Variants in PALLD observed in about 807,000 individuals in gnomAD.
PALLD encodes the protein palladin.
A neutral mutation model predicts 123.5 loss-of-function variants in PALLD; 61 were observed. The observed-to-expected ratio is 0.49, with a 90% CI of 0.40 to 0.61. PALLD has a LOEUF of 0.61. PALLD is among the 20% of genes least tolerant of loss of function. PALLD has a pLI of 0.00. For missense variants in PALLD, 1,273 were observed against 1,377.0 expected, an observed-to-expected ratio of 0.92 and a Z score of 1.20; for synonymous variants, 465 against 496.4, an observed-to-expected ratio of 0.94 and a Z score of 0.84.
intron 10 of PALLD, among the ~76,000 whole-genome samples, chr4:168,743,278 T>C (rs2150355446): frequency 6.6e-6 from 1 of 152,364 alleles, no homozygotes. Flanking sequence ...GACATCCATC[T>C]GGATGCTTGA....
chr4:168,541,275 T>C (rs1765585058), intron 2 of PALLD, among the ~76,000 whole-genome samples: 1 of 152,174 alleles, frequency 6.6e-6, no homozygotes, highest in Non-Finnish European at 1.5e-5. Context: ...TTATTTTTGC[T>C]TTTTTCTCAT....
At chr4:168,786,138 G>A (rs1736722767) in intron 10 of PALLD, among the ~76,000 whole-genome samples, 1 of 151,760 alleles carries the variant, frequency 6.6e-6, no homozygotes, top group Admixed American at 6.6e-5. Context: ...GACCAGCCTG[G>A]CCAACATGGT....
At chr4:168,563,773 T>C (rs953268120) in intron 2 of PALLD, among the ~76,000 whole-genome samples, 13 of 152,216 alleles carry the variant, frequency 8.5e-5, no homozygotes, top group African/African-American at 2.7e-4. Flanking sequence ...TAAATCTCTT[T>C]CTCAAGGCAT....
chr4:168,785,299 C>A (rs1393507824), intron 10 of PALLD, among the ~76,000 whole-genome samples: 1 of 151,930 alleles, frequency 6.6e-6, no homozygotes, highest in East Asian at 1.9e-4. Context: ...GCTGTTTGTT[C>A]GACATCCGAA....
chr4:168,761,893 A>C (rs1314358839), intron 10 of PALLD, among the ~76,000 whole-genome samples: 1 of 151,692 alleles, frequency 6.6e-6, no homozygotes, highest in African/African-American at 2.4e-5. Flanking sequence ...AATTTCAGTC[A>C]TTCTTTCCTA....
At chr4:168,697,838 G>A (rs551354821) in intron 8 of PALLD, among the ~76,000 whole-genome samples, 2 of 152,148 alleles carry the variant, frequency 1.3e-5, no homozygotes, top group Admixed American at 6.6e-5. Context: ...TGGGTAAAAA[G>A]CAGAAAATAC....
intron 10 of PALLD, among the ~76,000 whole-genome samples, chr4:168,883,736 C>G (rs1369362183): frequency 1.3e-5 from 2 of 152,262 alleles, no homozygotes; most frequent in East Asian, 3.9e-4. Context: ...TGACAAATGA[C>G]TTACTGTTAA....
intron 10 of PALLD, among the ~76,000 whole-genome samples, chr4:168,762,660 C>A: frequency 6.6e-6 from 1 of 152,232 alleles, no homozygotes; most frequent in Non-Finnish European, 1.5e-5. Flanking sequence ...TTTGACCCAG[C>A]GATCCCATTA....
chr4:168,656,888 T>C (rs1182080567), intron 2 of PALLD, among the ~76,000 whole-genome samples: 1 of 152,140 alleles, frequency 6.6e-6, no homozygotes, highest in Non-Finnish European at 1.5e-5. Flanking sequence ...GCATAGCAAA[T>C]ATGTTTCAAC....
At chr4:168,761,645 G>GTTTTTTTGTTTTTTTTTTTT (rs1732873381) in intron 10 of PALLD, among the ~76,000 whole-genome samples, 1 of 88,024 alleles carries the variant, frequency 1.1e-5, no homozygotes, top group African/African-American at 4.1e-5. Flanking sequence ...GTTGTTGTTT[G>GTTTTTTTGTTTTTTTTTTTT]TTTTTTTTTT....
chr4:168,588,196 T>G (rs966321611), intron 2 of PALLD, among the ~76,000 whole-genome samples: 6 of 152,088 alleles, frequency 3.9e-5, no homozygotes, highest in African/African-American at 1.4e-4. Flanking sequence ...CCAGGATCAC[T>G]GTGAGCCCTG....
intron 10 of PALLD, among the ~76,000 whole-genome samples, chr4:168,824,141 T>G (rs1005536947): frequency 2.0e-5 from 3 of 152,276 alleles, no homozygotes; most frequent in African/African-American, 7.2e-5. Context: ...GGTAATGATT[T>G]ACAGAAGGCC....
chr4:168,679,320 G>A (rs2150073917), intron 3 of PALLD, among the ~76,000 whole-genome samples: 1 of 90,834 alleles, frequency 1.1e-5, no homozygotes, highest in Non-Finnish European at 2.2e-5. Context: ...GTGGTGTGCG[G>A]TGGGGGGTAT....
intron 10 of PALLD, among the ~76,000 whole-genome samples, chr4:168,830,538 A>G (rs958572801): frequency 1.2e-3 from 176 of 152,262 alleles, no homozygotes; most frequent in Non-Finnish European, 1.4e-3. Context: ...TCAAAAAAAA[A>G]AAAGTTACAA....
chr4:168,756,992 G>A (rs936067018), intron 10 of PALLD, among the ~76,000 whole-genome samples: 4 of 152,164 alleles, frequency 2.6e-5, no homozygotes, highest in African/African-American at 9.7e-5. Context: ...AAAGAAATGA[G>A]TGATCCATTT....
At chr4:168,797,096 A>G (rs1738619913) in intron 10 of PALLD, among the ~76,000 whole-genome samples, 1 of 152,206 alleles carries the variant, frequency 6.6e-6, no homozygotes. Context: ...TAGTAATGTC[A>G]GGTCACTTAT....
chr4:168,593,443 A>G (rs1371683754), intron 2 of PALLD, among the ~76,000 whole-genome samples: 1 of 151,868 alleles, frequency 6.6e-6, no homozygotes, highest in Non-Finnish European at 1.5e-5. Context: ...AGGCAAAAAA[A>G]AAAGAAAAAA....
At chr4:168,678,777 G>A (rs1452485127) in intron 3 of PALLD, among the ~76,000 whole-genome samples, 1 of 151,234 alleles carries the variant, frequency 6.6e-6, no homozygotes, top group African/African-American at 2.4e-5. Context: ...AGGGGTATGT[G>A]TGTGTGTGTG....
chr4:168,631,989 G>A (rs1775864615), intron 2 of PALLD: 1 of 789,460 alleles, frequency 1.3e-6, no homozygotes, highest in Non-Finnish European at 1.5e-6. Context: ...CTCGTGCGAA[G>A]AGTACTGTTT....
Sources: gnomAD v4.1 joint callset for allele counts (sites outside exome capture counted in the v4.1 genomes callset) on GRCh38, gnomAD v4.1.1 for gene constraint, MANE v1.5 for transcripts, NCBI Gene and HGNC (gene_info 2026-07-23, HGNC 2026-07-21) for gene names.